The following ATP8A2 variants were observed in gnomAD, a reference collection of about 807,000 sequenced individuals.
ATP8A2 encodes the protein ATPase phospholipid transporting 8A2, also known as phospholipid-transporting ATPase IB.
In ATP8A2, 100 loss-of-function variants were observed where a neutral mutation model predicts 165.6. The ratio of observed to expected loss-of-function variants is 0.60; its 90% confidence interval spans 0.51 to 0.71. The LOEUF (loss-of-function observed/expected upper bound fraction) is 0.71. Ranked by LOEUF, ATP8A2 falls within the 30% of genes least tolerant of loss-of-function variation. The pLI is 0.00. For missense variants in ATP8A2, 1,227 were observed against 1,479.5 expected, an observed-to-expected ratio of 0.83 and a Z score of 2.80; for synonymous variants, 543 against 548.8, an observed-to-expected ratio of 0.99 and a Z score of 0.15.
chr13:25,619,481 G>T (rs1360007120), intron 24 of ATP8A2, among the ~76,000 whole-genome samples: 1 of 152,120 alleles, frequency 6.6e-6, no homozygotes, highest in African/African-American at 2.4e-5. Flanking sequence ...TACAAAAATT[G>T]AAGATACTCG....
At position 25,919,236 on chromosome 13, in the gene ATP8A2, A is replaced by G. The variant is rs75924791; in HGVS notation, c.3184-42339A>G. On this transcript the variant is annotated intron_variant, in intron 33 of 36. Coordinates refer to ENST00000381655, the MANE Select transcript of ATP8A2 (RefSeq NM_016529.6). ...AGTTAAGACTCAGACCTGAGGGAAGACAACATCAGTTCATCTGGGGAAAAT... is the reference window on the plus strand; with the variant it reads ...AGTTAAGACTCAGACCTGAGGGAAGGCAACATCAGTTCATCTGGGGAAAAT... Among the ~76,000 whole-genome samples the G allele has an allele frequency of 4.8e-3, 734 of 152,310 alleles. 2 individuals carry two copies. Among genetic ancestry groups the G allele is most frequent in the Non-Finnish European group, 8.5e-3 (578 of 68,020 alleles).
chr13:25,570,998 C>A lies in ATP8A2; in HGVS notation c.1579+126C>A, dbSNP rs950070478. The A allele has an allele frequency of 3.3e-5, 22 of 657,920 alleles. No homozygotes were observed. The African/African-American group carries it at 3.6e-4, about 11-fold the overall frequency. 40.8% of individuals were successfully genotyped at this position (657,920 alleles called of 1,614,324 possible). ...TCGGCTGTCTGCTGTTGGCCTCACC[C>A]TGTGGCCAGGCTGTGGCTACAGGTG... On this transcript the variant is annotated intron_variant, in intron 17 of 36. Coordinates refer to ENST00000381655, the MANE Select transcript of ATP8A2 (RefSeq NM_016529.6).
intron 28 of ATP8A2, among the ~76,000 whole-genome samples, chr13:25,829,448 C>T (rs532565677): frequency 1.3e-5 from 2 of 151,950 alleles, no homozygotes; most frequent in South Asian, 4.2e-4. Context: ...GGGGAGATCA[C>T]AGATTGCTAA....
At chr13:25,456,554 A>T (rs1272115697) in intron 1 of ATP8A2, among the ~76,000 whole-genome samples, 1 of 152,194 alleles carries the variant, frequency 6.6e-6, no homozygotes, top group African/African-American at 2.4e-5. Context: ...AGTGTGCGAC[A>T]AGGGAAGACA....
At chr13:25,533,805 G>T (rs1043294064) in intron 6 of ATP8A2, among the ~76,000 whole-genome samples, 1 of 152,092 alleles carries the variant, frequency 6.6e-6, no homozygotes, top group African/African-American at 2.4e-5. Flanking sequence ...AGGTTTAGAG[G>T]GTTGAAGAAT....
At chr13:25,776,018 G>A (rs2044733423) in intron 27 of ATP8A2, among the ~76,000 whole-genome samples, 1 of 152,218 alleles carries the variant, frequency 6.6e-6, no homozygotes, top group Non-Finnish European at 1.5e-5. Flanking sequence ...ACTAAAGAGT[G>A]ATTTCCCCAA....
chr13:25,963,918 T>C (rs1440597652), intron 34 of ATP8A2, among the ~76,000 whole-genome samples: 1 of 152,258 alleles, frequency 6.6e-6, no homozygotes, highest in Non-Finnish European at 1.5e-5. Context: ...ATAAATCAAA[T>C]GACACTACTC....
intron 2 of ATP8A2, among the ~76,000 whole-genome samples, chr13:25,486,622 A>G (rs186195995): frequency 9.5e-4 from 144 of 152,320 alleles, no homozygotes; most frequent in African/African-American, 3.2e-3. Flanking sequence ...ATATTTTAAA[A>G]TTAGGACAGC....
At chr13:25,839,668 C>T in intron 30 of ATP8A2, 44 bp downstream of exon 30, 1 of 1,502,720 alleles carries the variant, frequency 6.7e-7, no homozygotes, top group South Asian at 1.1e-5. Context: ...AGCTTTGCAG[C>T]CGCTCTGCTG....
intron 24 of ATP8A2, among the ~76,000 whole-genome samples, chr13:25,677,234 G>T (rs959546066): frequency 2.0e-5 from 3 of 152,216 alleles, no homozygotes; most frequent in African/African-American, 7.2e-5. Flanking sequence ...CAAGGTTTTA[G>T]TTCCTCAGAT....
At chr13:25,701,723 AACACACACACAC>A (rs71077495) in intron 25 of ATP8A2, among the ~76,000 whole-genome samples, 82 of 140,572 alleles carry the variant, frequency 5.8e-4, no homozygotes, top group East Asian at 2.4e-3. Flanking sequence ...TTGATACTAA[AACACACACACAC>A]ACACACACAC....
chr13:25,802,001 A>G (rs1373760188), intron 27 of ATP8A2, among the ~76,000 whole-genome samples: 1 of 152,112 alleles, frequency 6.6e-6, no homozygotes, highest in African/African-American at 2.4e-5. Context: ...CCATGATTCA[A>G]TTACCTCCCA....
In ATP8A2 at chr13:26,019,946, T is replaced by A; in HGVS notation, c.3528T>A (p.Arg1176=). ...HGAVSQEEVI[R]AYDTTKKKSR... ...CTGTTAGTCAGGAAGAAGTCATCCGTGCTTATGACACCACCAAAAAGAAAT... is the reference window on the plus strand; with the variant it reads ...CTGTTAGTCAGGAAGAAGTCATCCGAGCTTATGACACCACCAAAAAGAAAT... Residue 1176 remains arginine (R), a synonymous_variant, in exon 37 of 37, where the codon CGT becomes CGA. Transcript: ENST00000381655. 1 of 1,614,086 alleles carries A rather than the reference T, an allele frequency of 6.2e-7. No homozygotes were observed. The highest frequency in any genetic ancestry group is 8.5e-7 in the Non-Finnish European group (1 of 1,179,910).
chr13:25,494,396 C>T (rs1419514159), intron 2 of ATP8A2, among the ~76,000 whole-genome samples: 3 of 152,148 alleles, frequency 2.0e-5, no homozygotes, highest in Non-Finnish European at 4.4e-5. Context: ...ACTGCAGAGA[C>T]TCCTGCTGCC....
chr13:25,973,773 A>T (rs1333493311), intron 35 of ATP8A2, among the ~76,000 whole-genome samples: 1 of 152,240 alleles, frequency 6.6e-6, no homozygotes, highest in Non-Finnish European at 1.5e-5. Context: ...AGCCTGAGGC[A>T]GGAGGGATGC....
intron 2 of ATP8A2, among the ~76,000 whole-genome samples, chr13:25,478,692 C>A (rs147102944): frequency 6.6e-6 from 1 of 152,282 alleles, no homozygotes; most frequent in Non-Finnish European, 1.5e-5. Flanking sequence ...TATGTATCTT[C>A]AGTCTACGTA....
At chr13:25,851,699 T>C (rs1030052304) in intron 30 of ATP8A2, among the ~76,000 whole-genome samples, 4 of 152,160 alleles carry the variant, frequency 2.6e-5, no homozygotes, top group Non-Finnish European at 1.5e-5. Context: ...GTACATAGTC[T>C]TAAGGGTTCC....
chr13:26,005,117 C>T lies in ATP8A2; in HGVS notation c.3378-7414C>T, dbSNP rs544139488. ...AGCAGCCATCAGGTCTTGGCCTTTT[C>T]TTTGATGGGAGATTTTTTACTAGAG... On this transcript the variant is annotated intron_variant, in intron 35 of 36. Transcript: ENST00000381655. Among the ~76,000 whole-genome samples, 117 of 152,016 alleles carry T rather than the reference C, an allele frequency of 7.7e-4. 1 individual carries two copies. Among genetic ancestry groups the T allele is most frequent in the African/African-American group, 2.7e-3 (113 of 41,520 alleles).
intron 33 of ATP8A2, among the ~76,000 whole-genome samples, chr13:25,882,658 A>G (rs1253087996): frequency 6.6e-6 from 1 of 152,186 alleles, no homozygotes; most frequent in Non-Finnish European, 1.5e-5. Context: ...GTTAAACCCC[A>G]TGCGGCATGC....
Sources: gnomAD v4.1 joint callset for allele counts (sites outside exome capture counted in the v4.1 genomes callset) on GRCh38, gnomAD v4.1.1 for gene constraint, MANE v1.5 for transcripts, NCBI Gene and HGNC (gene_info 2026-07-23, HGNC 2026-07-21) for gene names.